SKAP2: variants seen among roughly 807,000 people sequenced by gnomAD.
SKAP2 encodes the protein src kinase-associated phosphoprotein 2.
In SKAP2, 28 loss-of-function variants were observed where a neutral mutation model predicts 54.9. The observed-to-expected ratio is 0.51, with a 90% CI of 0.38 to 0.70. The LOEUF is 0.70. SKAP2 is among the 30% of genes least tolerant of loss of function. The pLI, the probability that SKAP2 is intolerant of heterozygous loss-of-function variation, is 0.00. For missense variants in SKAP2, 356 were observed against 424.1 expected (o/e 0.84, Z 1.41); for synonymous variants, 137 against 134.3 (o/e 1.02, Z -0.14).
intron 4 of SKAP2, among the ~76,000 whole-genome samples, chr7:26,791,947 T>C (rs1042758324): frequency 6.6e-6 from 1 of 152,180 alleles, no homozygotes; most frequent in Non-Finnish European, 1.5e-5. Flanking sequence ...AATTAAAACA[T>C]CCATCATTAG....
chr7:26,717,064 A>G (rs1787462316), intron 9 of SKAP2, among the ~76,000 whole-genome samples: 2 of 152,150 alleles, frequency 1.3e-5, no homozygotes, highest in Admixed American at 1.3e-4. Context: ...CTGGGATTCA[A>G]AGTGATGTGT....
chr7:26,693,251 G>C (rs1330011577), intron 9 of SKAP2, among the ~76,000 whole-genome samples: 1 of 145,338 alleles, frequency 6.9e-6, no homozygotes, highest in Non-Finnish European at 1.5e-5. Context: ...AGAATCGCTT[G>C]AACCTGGGAG....
Position 26,692,522 on chromosome 7 carries a change from G to C in SKAP2, c.797-2160C>G, listed in dbSNP as rs892081296. 3.9e-4 allele frequency among the ~76,000 whole-genome samples: 59 copies of C among 152,174 alleles called. 1 individual carries two copies. The highest frequency in any genetic ancestry group is 1.4e-3 in the African/African-American group (58 of 41,446). On this transcript the variant is annotated intron_variant, in intron 9 of 12. Coordinates refer to ENST00000345317, the MANE Select transcript of SKAP2 (RefSeq NM_003930.5). ...CTTACACGACAAATAGAACTGTTCT[G>C]AATTTCTGTAACTCAATTCAAACAA...
intron 4 of SKAP2, among the ~76,000 whole-genome samples, chr7:26,804,114 G>A (rs1347026497): frequency 1.3e-5 from 2 of 152,156 alleles, no homozygotes; most frequent in Admixed American, 1.3e-4. Context: ...CTTAAAGAAT[G>A]TAATTGGATT....
chr7:26,662,845 G>A (rs185121248), downstream of SKAP2, among the ~76,000 whole-genome samples: 6 of 152,194 alleles, frequency 3.9e-5, no homozygotes, highest in East Asian at 1.9e-4. Context: ...CACACTTGAC[G>A]TTGTGAACTA....
intron 6 of SKAP2, among the ~76,000 whole-genome samples, chr7:26,735,264 G>A (rs1428243205): frequency 1.3e-5 from 2 of 152,164 alleles, no homozygotes; most frequent in African/African-American, 4.8e-5. Flanking sequence ...TGAATGACTT[G>A]AAGGACATCT....
At chr7:26,772,781 T>G (rs1008857135) in intron 4 of SKAP2, among the ~76,000 whole-genome samples, 7 of 152,194 alleles carry the variant, frequency 4.6e-5, no homozygotes, top group Non-Finnish European at 1.0e-4. Context: ...AACCAAGTAT[T>G]TTTATGGCCT....
At chr7:26,656,514 C>T in the SKAP2 span, among the ~76,000 whole-genome samples, 1 of 152,182 alleles carries the variant, frequency 6.6e-6, no homozygotes, top group African/African-American at 2.4e-5. Flanking sequence ...AACAAAAACA[C>T]AGATATGTTC....
chr7:26,716,506 G>A (rs1293051757), intron 9 of SKAP2, among the ~76,000 whole-genome samples: 1 of 152,134 alleles, frequency 6.6e-6, no homozygotes, highest in Non-Finnish European at 1.5e-5. Flanking sequence ...TGTTTCAGGT[G>A]TATCTCCAAG....
At chr7:26,800,678 T>A (rs188548091) in intron 4 of SKAP2, among the ~76,000 whole-genome samples, 1 of 152,242 alleles carries the variant, frequency 6.6e-6, no homozygotes, top group East Asian at 1.9e-4. Flanking sequence ...CAAGTGATAC[T>A]GCAGAAATTC....
At chr7:26,844,782 C>T (rs1459549199) in intron 3 of SKAP2, among the ~76,000 whole-genome samples, 1 of 152,050 alleles carries the variant, frequency 6.6e-6, no homozygotes, top group Non-Finnish European at 1.5e-5. Context: ...GGGTAATTTA[C>T]AAACTAGACA....
At chr7:26,693,229 G>T (rs1168520345) in intron 9 of SKAP2, among the ~76,000 whole-genome samples, 1 of 150,884 alleles carries the variant, frequency 6.6e-6, no homozygotes, top group Non-Finnish European at 1.5e-5. Context: ...CTACTCAGGA[G>T]ACTGAGGAAG....
At chr7:26,838,692 G>GT (rs372935056) in intron 4 of SKAP2, among the ~76,000 whole-genome samples, 189 of 152,212 alleles carry the variant, frequency 1.2e-3, no homozygotes, top group Admixed American at 3.5e-3. Flanking sequence ...TTATGCTGTG[G>GT]TTTTTTTGAC....
At position 26,685,064 on chromosome 7, in the gene SKAP2, G is replaced by C. The variant is rs149696612; in HGVS notation, c.875-216C>G. On this transcript the variant is annotated intron_variant, in intron 10 of 12. Transcript: ENST00000345317. ...CAAAAAGATCTGATTTTGAATTTCT[G>C]CTTTTCTTTTTCTGCCTTTCATCTA... 5.6e-3 allele frequency among the ~76,000 whole-genome samples: 846 copies of C among 152,212 alleles called. 7 individuals carry two copies. Among genetic ancestry groups the C allele is most frequent in the African/African-American group, 0.019 (802 of 41,536 alleles).
At chr7:26,816,428 T>C (rs928040418) in intron 4 of SKAP2, among the ~76,000 whole-genome samples, 1 of 152,074 alleles carries the variant, frequency 6.6e-6, no homozygotes, top group African/African-American at 2.4e-5. Flanking sequence ...AGGCCAGATA[T>C]TAAGATAAGA....
rs1301837397 is a variant in SKAP2, at chr7:26,727,326, C to G, written c.470-320G>C. 3.3e-5 allele frequency among the ~76,000 whole-genome samples: 5 copies of G among 152,066 alleles called. No individual in the cohort carries two copies. The East Asian group carries it at 9.6e-4, about 29-fold the overall frequency. ...AGACAAACCCACCACAAACCTTTGG[C>G]TCTTTCAGATTTAGTAGGCCAGTGG... On this transcript the variant is annotated intron_variant, in intron 6 of 12. Coordinates refer to ENST00000345317, the MANE Select transcript of SKAP2 (RefSeq NM_003930.5).
chr7:26,679,308 A>G (rs1487430281), intron 11 of SKAP2, among the ~76,000 whole-genome samples: 1 of 152,244 alleles, frequency 6.6e-6, no homozygotes, highest in East Asian at 1.9e-4. Context: ...GAAGTACTTA[A>G]GCATATTGTT....
At chr7:26,727,144 T>C in intron 6 of SKAP2, 138 bp from the exon 7 acceptor site, 1 of 597,376 alleles carries the variant, frequency 1.7e-6, no homozygotes, top group Non-Finnish European at 2.8e-6. Flanking sequence ...GCTTAGGTAA[T>C]GTTTTTAGAA....
At chr7:26,852,668 C>A (rs1785069080) in intron 3 of SKAP2, among the ~76,000 whole-genome samples, 1 of 152,176 alleles carries the variant, frequency 6.6e-6, no homozygotes, top group South Asian at 2.1e-4. Flanking sequence ...AATATCCACA[C>A]ACCTGAACGA....
Sources: gnomAD v4.1 joint callset for allele counts (sites outside exome capture counted in the v4.1 genomes callset) on GRCh38, gnomAD v4.1.1 for gene constraint, MANE v1.5 for transcripts, NCBI Gene and HGNC (gene_info 2026-07-23, HGNC 2026-07-21) for gene names.